CMIP: variants seen among roughly 807,000 people sequenced by gnomAD.
The protein encoded by CMIP is c-Maf inducing protein.
Under a neutral mutation model 97.3 loss-of-function variants are expected in CMIP, and 13 were observed. That is an observed-to-expected ratio of 0.13 (90% CI 0.09 to 0.21). The LOEUF is 0.21. Ranked by LOEUF, CMIP falls within the 10% of genes least tolerant of loss-of-function variation. The probability of loss-of-function intolerance (pLI) is 1.00; values close to 1 mark genes in which losing one functional copy is unlikely to be tolerated. For missense variants in CMIP, 847 were observed against 1,024.9 expected (o/e 0.83, Z 2.37); for synonymous variants, 538 against 436.3 (o/e 1.23, Z -2.91).
chr16:81,703,628 C>G (rs1356233294), intron 17 of CMIP, among the ~76,000 whole-genome samples: 2 of 148,030 alleles, frequency 1.4e-5, no homozygotes, highest in African/African-American at 2.5e-5. Flanking sequence ...CACACACACA[C>G]AGACGCCTGT....
chr16:81,679,706 C>T (rs1256078789), intron 10 of CMIP, among the ~76,000 whole-genome samples: 3 of 151,984 alleles, frequency 2.0e-5, no homozygotes, highest in Non-Finnish European at 4.4e-5. Flanking sequence ...TGTCCCTCCC[C>T]GTCCCTGAAC....
intron 3 of CMIP, among the ~76,000 whole-genome samples, chr16:81,644,315 C>G (rs2092338924): frequency 6.6e-6 from 1 of 152,148 alleles, no homozygotes; most frequent in African/African-American, 2.4e-5. Flanking sequence ...AGCCAAAGCA[C>G]CGAGGCTGAT....
chr16:81,469,443 C>G (rs1567531130), intron 1 of CMIP, among the ~76,000 whole-genome samples: 1 of 152,218 alleles, frequency 6.6e-6, no homozygotes, highest in Non-Finnish European at 1.5e-5. Flanking sequence ...TGAGATAATG[C>G]ACATCTGGTG....
At chr16:81,596,668 A>G (rs994999670) in intron 1 of CMIP, among the ~76,000 whole-genome samples, 7 of 152,218 alleles carry the variant, frequency 4.6e-5, no homozygotes, top group South Asian at 2.1e-4. Context: ...AGAAGCTCCT[A>G]TTTGCCTTTT....
intron 1 of CMIP, among the ~76,000 whole-genome samples, chr16:81,468,409 T>C (rs1597454513): frequency 6.6e-6 from 1 of 152,354 alleles, no homozygotes; most frequent in East Asian, 1.9e-4. Flanking sequence ...TCCCTCTCCT[T>C]GCGGGTAAAT....
At chr16:81,706,870 C>A (rs1567678232) in intron 19 of CMIP, 144 bp from the exon 20 acceptor site, 1 of 687,520 alleles carries the variant, frequency 1.5e-6, no homozygotes, top group Non-Finnish European at 2.6e-6. Context: ...CCTACCCTGG[C>A]TGTGTCTACG....
At chr16:81,494,136 T>G (rs74986809) in intron 1 of CMIP, among the ~76,000 whole-genome samples, 13,951 of 152,208 alleles carry the variant, frequency 0.092, 833 homozygotes, top group Non-Finnish European at 0.13. Context: ...CCAGGCACGG[T>G]CCTTGCCTGC....
intron 1 of CMIP, among the ~76,000 whole-genome samples, chr16:81,564,103 G>C (rs1298004410): frequency 1.3e-5 from 2 of 152,254 alleles, no homozygotes; most frequent in African/African-American, 4.8e-5. Flanking sequence ...CACTGGGGCA[G>C]GTAGGACAGA....
intron 3 of CMIP, among the ~76,000 whole-genome samples, chr16:81,639,185 A>G (rs1005253079): frequency 2.0e-5 from 3 of 152,182 alleles, no homozygotes; most frequent in Admixed American, 1.3e-4. Context: ...GTGGTCTTCA[A>G]GTCTGTAGAA....
At chr16:81,602,828 C>G (rs1176572524) in intron 1 of CMIP, among the ~76,000 whole-genome samples, 1 of 152,212 alleles carries the variant, frequency 6.6e-6, no homozygotes, top group Admixed American at 6.5e-5. Context: ...CTACCCCAGA[C>G]AGGAATCTCC....
At chr16:81,609,480 T>G (rs907090425) in intron 2 of CMIP, among the ~76,000 whole-genome samples, 1 of 152,218 alleles carries the variant, frequency 6.6e-6, no homozygotes, top group Admixed American at 6.5e-5. Flanking sequence ...GTCACAGAGC[T>G]TTGAGGCAGC....
chr16:81,458,593 A>G (rs764431887), intron 1 of CMIP, among the ~76,000 whole-genome samples: 1 of 152,148 alleles, frequency 6.6e-6, no homozygotes, highest in Admixed American at 6.5e-5. Context: ...CCCTGCCTCC[A>G]CTTTGAAACC....
chr16:81,638,599 T>A (rs1308912498), intron 3 of CMIP, among the ~76,000 whole-genome samples: 1 of 151,956 alleles, frequency 6.6e-6, no homozygotes, highest in Non-Finnish European at 1.5e-5. Context: ...GTCCCTTTCC[T>A]CTCCCCCCTC....
intron 1 of CMIP, among the ~76,000 whole-genome samples, chr16:81,462,387 G>A (rs1365989964): frequency 6.6e-6 from 1 of 152,082 alleles, no homozygotes; most frequent in Non-Finnish European, 1.5e-5. Flanking sequence ...CCATAATATA[G>A]GCATTCTTAG....
rs2092468269 is a variant in CMIP, at chr16:81,655,105, T to G, written c.640-2670T>G. On this transcript the variant is annotated intron_variant, in intron 4 of 20. Coordinates refer to ENST00000537098, the MANE Select transcript of CMIP (RefSeq NM_198390.3). This position sits in a 1 kb window ranked among gnomAD's most constrained non-coding sequence, Gnocchi z 4.9. Reference sequence around the variant, plus strand: ...CAAGGGCCTTTGATACATGGCCACATTTTCATTGTCATAGGAGATGTCTGT... The same window carrying G: ...CAAGGGCCTTTGATACATGGCCACAGTTTCATTGTCATAGGAGATGTCTGT... Among the ~76,000 whole-genome samples the G allele has an allele frequency of 6.6e-6, 1 of 152,162 alleles. No individual in the cohort carries two copies. The highest frequency in any genetic ancestry group is 1.5e-5 in the Non-Finnish European group (1 of 68,026).
chr16:81,692,664 C>T (rs542301851), intron 11 of CMIP, among the ~76,000 whole-genome samples: 1 of 152,336 alleles, frequency 6.6e-6, no homozygotes, highest in South Asian at 2.1e-4. Context: ...AATCCACCTC[C>T]TAAGAGGCGC....
chr16:81,699,932 C>T (rs1172170804), intron 15 of CMIP, 131 bp downstream of exon 15: 4 of 617,586 alleles, frequency 6.5e-6, no homozygotes, highest in Non-Finnish European at 1.2e-5. Flanking sequence ...GCAGTCCCAG[C>T]CGTCCTGAGC....
chr16:81,483,593 T>TCTC (rs2089266264), intron 1 of CMIP, among the ~76,000 whole-genome samples: 3 of 141,270 alleles, frequency 2.1e-5, no homozygotes, highest in African/African-American at 8.2e-5. Flanking sequence ...CTCTTCCTCT[T>TCTC]CCTCTTCCTC....
At chr16:81,493,788 A>G (rs117155631) in intron 1 of CMIP, among the ~76,000 whole-genome samples, 1,744 of 152,316 alleles carry the variant, frequency 0.011, 14 homozygotes, top group Non-Finnish European at 0.019. Flanking sequence ...CCAGAGCTCA[A>G]AGGGGCGAGT....
Sources: allele counts gnomAD v4.1 joint callset (sites outside exome capture counted in the v4.1 genomes callset), GRCh38; gene constraint gnomAD v4.1.1; non-coding constraint Gnocchi (gnomAD v3.1); transcripts MANE v1.5; gene names NCBI Gene and HGNC (gene_info 2026-07-23, HGNC 2026-07-21).